The following RFX8 variants were observed in gnomAD, a reference collection of about 807,000 sequenced individuals.
RFX8 encodes DNA-binding protein RFX8.
Under a neutral mutation model 54.6 loss-of-function variants are expected in RFX8, and 46 were observed. The ratio of observed to expected loss-of-function variants is 0.84; its 90% confidence interval spans 0.67 to 1.08. The LOEUF is 1.08. Among genes scored for constraint, RFX8 ranks in the 50% least tolerant of loss-of-function variants. The probability of loss-of-function intolerance (pLI) is 0.00; values close to 1 mark genes in which losing one functional copy is unlikely to be tolerated. For missense variants in RFX8, 536 were observed against 562.3 expected (o/e 0.95, Z 0.47); for synonymous variants, 192 against 209.5 (o/e 0.92, Z 0.72).
At chr2:101,412,861 G>T in intron 8 of RFX8, 54 bp downstream of exon 8, 2 of 1,493,864 alleles carry the variant, frequency 1.3e-6, no homozygotes, top group Non-Finnish European at 1.8e-6. Flanking sequence ...GGCCATGCTA[G>T]CCCCAAATCT....
chr2:101,438,223 A>T (rs1402524265), intron 2 of RFX8, among the ~76,000 whole-genome samples: 2 of 152,106 alleles, frequency 1.3e-5, no homozygotes, highest in Admixed American at 6.6e-5. Context: ...TTAATATACA[A>T]TTAAATTATT....
intron 2 of RFX8, among the ~76,000 whole-genome samples, chr2:101,425,925 T>C (rs906234084): frequency 6.6e-6 from 1 of 151,996 alleles, no homozygotes; most frequent in South Asian, 2.1e-4. Flanking sequence ...TGGAGAGAAG[T>C]TGATCAATGG....
At chr2:101,414,174 GTGTC>G (rs979032179) in intron 7 of RFX8, among the ~76,000 whole-genome samples, 9 of 152,220 alleles carry the variant, frequency 5.9e-5, no homozygotes, top group Admixed American at 2.0e-4. Context: ...GGTGAAGGGT[GTGTC>G]TGTCTGTCTG....
intron 2 of RFX8, among the ~76,000 whole-genome samples, chr2:101,440,586 G>A (rs182378960): frequency 3.9e-5 from 6 of 152,294 alleles, no homozygotes; most frequent in African/African-American, 1.4e-4. Flanking sequence ...GGGGAGGGGA[G>A]AGCACACAGG....
At chr2:101,451,319 A>G (rs1053278722) in intron 2 of RFX8, among the ~76,000 whole-genome samples, 3 of 152,182 alleles carry the variant, frequency 2.0e-5, no homozygotes, top group African/African-American at 7.2e-5. Flanking sequence ...AACAAGCAAC[A>G]AATAGCAATA....
At chr2:101,413,648 T>C (rs1037351467) in intron 7 of RFX8, among the ~76,000 whole-genome samples, 13 of 152,154 alleles carry the variant, frequency 8.5e-5, no homozygotes, top group South Asian at 2.1e-4. Flanking sequence ...CAGAGGGCTC[T>C]TGGGGCGTGA....
chr2:101,428,945 T>A (rs1687336483), intron 2 of RFX8: 2 of 1,502,758 alleles, frequency 1.3e-6, no homozygotes, highest in Non-Finnish European at 1.8e-6. Context: ...ATCTGTTTGA[T>A]TAACACTCAC....
At chr2:101,406,125 A>C in intron 9 of RFX8, 68 bp from the exon 10 acceptor site, 1 of 870,168 alleles carries the variant, frequency 1.1e-6, no homozygotes, top group Non-Finnish European at 1.8e-6. Context: ...TATGTTTTCA[A>C]ATGCACACAT....
chr2:101,429,560 T>G (rs1181798830), intron 2 of RFX8, among the ~76,000 whole-genome samples: 1 of 152,150 alleles, frequency 6.6e-6, no homozygotes, highest in Non-Finnish European at 1.5e-5. Flanking sequence ...ATTTTTTCTT[T>G]AATCATGGGC....
intron 6 of RFX8, among the ~76,000 whole-genome samples, chr2:101,416,565 T>C (rs1686523295): frequency 6.6e-6 from 1 of 151,988 alleles, no homozygotes; most frequent in South Asian, 2.1e-4. Context: ...TGTGGGGAAA[T>C]AACTGGTGCC....
At chr2:101,461,262 C>CAAAAAAAAAAAAAAAAAAAAA (rs11350961) in intron 2 of RFX8, among the ~76,000 whole-genome samples, 2 of 89,910 alleles carry the variant, frequency 2.2e-5, no homozygotes, top group Admixed American at 1.4e-4. Flanking sequence ...GACTCCATCT[C>CAAAAAAAAAAAAAAAAAAAAA]AAAAAAAAAA....
Position 101,466,807 on chromosome 2 carries a change from C to T in RFX8, c.42G>A (p.Glu14=). Residue 14 remains glutamate, a synonymous_variant, in exon 2 of 12, where the codon GAG becomes GAA. Transcript: ENST00000428343. ...IYVETCGQNT[E]NQVNPATFGK... is the part of the protein sequence containing the mutation. ...CAAAGGTGGCCGGGTTGACTTGGTT[C>T]TCAGTGTTTTGCCCACAGGTCTCCA... The T allele has an allele frequency of 6.4e-7, 1 of 1,551,608 alleles. No individual in the cohort carries two copies. Among genetic ancestry groups the T allele is most frequent in the Non-Finnish European group, 8.7e-7 (1 of 1,146,914 alleles).
At chr2:101,403,390 T>G (rs1685557658) in intron 10 of RFX8, among the ~76,000 whole-genome samples, 1 of 152,202 alleles carries the variant, frequency 6.6e-6, no homozygotes, top group African/African-American at 2.4e-5. Flanking sequence ...AAAACAATCA[T>G]TAATGTTTGC....
At chr2:101,469,907 G>A (rs376110805) in intron 1 of RFX8, among the ~76,000 whole-genome samples, 13 of 152,266 alleles carry the variant, frequency 8.5e-5, no homozygotes, top group African/African-American at 3.1e-4. Context: ...TGTGAGCCCT[G>A]TGTGGCTGCC....
intron 2 of RFX8, chr2:101,452,354 A>G: frequency 7.9e-7 from 1 of 1,270,358 alleles, no homozygotes; most frequent in Non-Finnish European, 1.1e-6. Context: ...TGTTTTTAAC[A>G]TTTGAAATAA....
At chr2:101,448,981 T>C (rs78189983) in intron 2 of RFX8, among the ~76,000 whole-genome samples, 3 of 152,162 alleles carry the variant, frequency 2.0e-5, no homozygotes, top group Non-Finnish European at 4.4e-5. Flanking sequence ...GCTGGCATTG[T>C]TGGGGATGGT....
At chr2:101,403,484 A>G (rs1573344966) in intron 10 of RFX8, among the ~76,000 whole-genome samples, 1 of 152,344 alleles carries the variant, frequency 6.6e-6, no homozygotes, top group South Asian at 2.1e-4. Context: ...ACTCTTATAC[A>G]GATATAAAAT....
intron 2 of RFX8, chr2:101,450,476 C>T: frequency 1.8e-6 from 1 of 567,384 alleles, no homozygotes; most frequent in African/African-American, 1.9e-5. Flanking sequence ...GGTTCTTGTG[C>T]CCCAGCCTCC....
At chr2:101,402,840 A>G in intron 10 of RFX8, 88 bp from the exon 11 acceptor site, 1 of 1,202,060 alleles carries the variant, frequency 8.3e-7, no homozygotes, top group South Asian at 1.5e-5. Context: ...TTCTGGGGCT[A>G]ACACCTGTGT....
Sources: allele counts gnomAD v4.1 joint callset (sites outside exome capture counted in the v4.1 genomes callset), GRCh38; gene constraint gnomAD v4.1.1; transcripts MANE v1.5; gene names NCBI Gene and HGNC (gene_info 2026-07-23, HGNC 2026-07-21).